The following TRMT11 variants were observed in gnomAD, a reference collection of about 807,000 sequenced individuals.
TRMT11 encodes the protein tRNA (guanine(10)-N(2))-methyltransferase TRMT11.
A neutral mutation model predicts 62.8 loss-of-function variants in TRMT11; 53 were observed. The ratio of observed to expected loss-of-function variants is 0.84; its 90% CI spans 0.68 to 1.06. The LOEUF is 1.06. Among genes scored for constraint, TRMT11 ranks in the 50% least tolerant of loss-of-function variants. The pLI, the probability that TRMT11 is intolerant of heterozygous loss-of-function variation, is 0.00. For synonymous variants in TRMT11, 188 were observed against 190.3 expected (o/e 0.99, Z 0.10); for missense variants, 556 against 553.4 (o/e 1.00, Z -0.05).
intron 21 of TRMT11, among the ~76,000 whole-genome samples, chr6:126,122,106 C>T (rs1217919363): frequency 5.9e-5 from 9 of 152,102 alleles, no homozygotes; most frequent in Non-Finnish European, 1.3e-4. Context: ...CGTTCCCCTG[C>T]ACATGCTGTC....
At chr6:126,077,156 T>A (rs924746022) in intron 17 of TRMT11, among the ~76,000 whole-genome samples, 2 of 152,200 alleles carry the variant, frequency 1.3e-5, no homozygotes, top group African/African-American at 2.4e-5. Context: ...TGACCCAAAC[T>A]ATTGCAACCT....
At chr6:126,239,998 A>G in the TRMT11 span, among the ~76,000 whole-genome samples, 11 of 152,248 alleles carry the variant, frequency 7.2e-5, no homozygotes, top group Non-Finnish European at 1.3e-4. Context: ...AGCTGATCAA[A>G]TCAGCTACTG....
chr6:126,080,495 G>A (rs1004204544), intron 17 of TRMT11, among the ~76,000 whole-genome samples: 1 of 152,072 alleles, frequency 6.6e-6, no homozygotes, highest in Admixed American at 6.6e-5. Context: ...CAGATTTAGA[G>A]CCCCTTGATT....
chr6:126,186,661 A>G (rs918486232), intron 1 of TRMT11, among the ~76,000 whole-genome samples: 2 of 152,090 alleles, frequency 1.3e-5, no homozygotes, highest in Non-Finnish European at 1.5e-5. Context: ...TTATCTAGGA[A>G]TCTTTCATAT....
chr6:126,050,639 C>T (rs561471868), intron 16 of TRMT11, among the ~76,000 whole-genome samples: 18 of 151,420 alleles, frequency 1.2e-4, no homozygotes, highest in South Asian at 2.1e-4. Context: ...TTCAAGGTTA[C>T]AGGAAACTGT....
chr6:126,121,328 A>T (rs1299712087), intron 21 of TRMT11, among the ~76,000 whole-genome samples: 1 of 152,140 alleles, frequency 6.6e-6, no homozygotes, highest in Non-Finnish European at 1.5e-5. Context: ...AAAAAATCAC[A>T]AGTAAGAATA....
intron 17 of TRMT11, among the ~76,000 whole-genome samples, chr6:126,063,437 A>G (rs138015944): frequency 6.6e-6 from 1 of 152,364 alleles, no homozygotes; most frequent in African/African-American, 2.4e-5. Flanking sequence ...AATTCAATGG[A>G]ACTTAAATTA....
At chr6:125,991,924 C>T (rs555187780) in intron 1 of TRMT11, among the ~76,000 whole-genome samples, 2 of 152,230 alleles carry the variant, frequency 1.3e-5, no homozygotes, top group South Asian at 4.1e-4. Flanking sequence ...GATGAAAAAG[C>T]AAGTAGCTGA....
the TRMT11 span, among the ~76,000 whole-genome samples, chr6:126,258,714 A>G: frequency 6.6e-6 from 1 of 152,110 alleles, no homozygotes; most frequent in Non-Finnish European, 1.5e-5. Context: ...TGTGGTATCA[A>G]TTGTAATGTC....
At chr6:126,008,345 A>T (rs781561309) in intron 7 of TRMT11, 47 bp from the exon 8 acceptor site, 2 of 1,472,148 alleles carry the variant, frequency 1.4e-6, no homozygotes, top group Non-Finnish European at 9.5e-7. Context: ...AACAAACAGG[A>T]GTTTGGGACT....
the TRMT11 span, among the ~76,000 whole-genome samples, chr6:126,257,608 A>T: frequency 6.6e-6 from 1 of 152,194 alleles, no homozygotes; most frequent in South Asian, 2.1e-4. Flanking sequence ...CTAATTAAGC[A>T]GTGAAGTTAT....
chr6:126,267,144 C>T, the TRMT11 span, among the ~76,000 whole-genome samples: 2 of 152,122 alleles, frequency 1.3e-5, no homozygotes, highest in African/African-American at 4.8e-5. Flanking sequence ...TTGCCACAAG[C>T]CAGCTGTGTG....
chr6:126,232,776 T>C, the TRMT11 span, among the ~76,000 whole-genome samples: 1 of 152,206 alleles, frequency 6.6e-6, no homozygotes. Flanking sequence ...ATGTATAAAC[T>C]TTGAGTCAAA....
chr6:126,083,676 A>G (rs1777184458), intron 17 of TRMT11, among the ~76,000 whole-genome samples: 2 of 152,140 alleles, frequency 1.3e-5, no homozygotes, highest in Admixed American at 6.6e-5. Flanking sequence ...ATACAGAACA[A>G]TTTTATTACA....
the TRMT11 span, among the ~76,000 whole-genome samples, chr6:126,234,063 C>T: frequency 1.5e-3 from 226 of 152,210 alleles, no homozygotes; most frequent in African/African-American, 5.1e-3. Flanking sequence ...CATCATCTTA[C>T]TTTTCAGGGA....
chr6:126,056,057 G>T (rs952031861), intron 17 of TRMT11, among the ~76,000 whole-genome samples: 3 of 152,158 alleles, frequency 2.0e-5, no homozygotes, highest in Non-Finnish European at 2.9e-5. Flanking sequence ...TGAAACAATG[G>T]CAAAAGCAAA....
chr6:126,041,871 T>C (rs925984221), downstream of TRMT11, among the ~76,000 whole-genome samples: 8 of 152,162 alleles, frequency 5.3e-5, no homozygotes, highest in East Asian at 9.6e-4. Context: ...TTTAAAGTTA[T>C]TTAGAAAACT....
chr6:126,038,854 A>T lies in TRMT11; in HGVS notation c.*18A>T. The T allele has an allele frequency of 1.9e-6, 3 of 1,581,296 alleles. No homozygotes were observed. The highest frequency in any genetic ancestry group is 2.6e-6 in the Non-Finnish European group (3 of 1,167,336). On this transcript the variant is annotated 3_prime_UTR_variant, in exon 13 of 13. Coordinates refer to ENST00000334379, the MANE Select transcript of TRMT11 (RefSeq NM_001031712.3). ...AGGAATGAAAATTAAGATTTTGACAATGAAGAAAGAATAAGAATTTGATTT... is the reference window on the plus strand; with the variant it reads ...AGGAATGAAAATTAAGATTTTGACATTGAAGAAAGAATAAGAATTTGATTT...
chr6:126,151,911 CT>C, intron 21 of TRMT11, among the ~76,000 whole-genome samples: 4 of 73,892 alleles, frequency 5.4e-5, no homozygotes, highest in African/African-American at 2.9e-4. Context: ...TTTTCTCTTT[CT>C]TTCTTTCTTT....
Sources: gnomAD v4.1 joint callset for allele counts (sites outside exome capture counted in the v4.1 genomes callset) on GRCh38, gnomAD v4.1.1 for gene constraint, MANE v1.5 for transcripts, NCBI Gene and HGNC (gene_info 2026-07-23, HGNC 2026-07-21) for gene names.